Variants in MED12 observed in about 807,000 individuals in gnomAD.
MED12 encodes mediator complex subunit 12.
A neutral mutation model predicts 177.7 loss-of-function variants in MED12; 10 were observed. That is an observed-to-expected ratio of 0.06 (90% CI 0.03 to 0.10). The LOEUF is 0.10. MED12 is among the 10% of genes least tolerant of loss of function. The probability of loss-of-function intolerance (pLI) is 1.00; values close to 1 mark genes in which losing one functional copy is unlikely to be tolerated. For synonymous variants in MED12, 641 were observed against 678.4 expected (o/e 0.94, Z 0.86); for missense variants, 867 against 1,780.8 (o/e 0.49, Z 9.23).
chrX:71,118,788 C>T lies in MED12; in HGVS notation c.34C>T (p.Arg12Trp), dbSNP rs2147766631. 1 of 1,209,591 alleles carries T rather than the reference C, an allele frequency of 8.3e-7. No homozygotes were observed. The highest frequency in any genetic ancestry group is 1.1e-6 in the Non-Finnish European group (1 of 894,871). ...AAFGILSYEH[R>W]PLKRPRLGPP... The stretch of plus-strand genomic sequence containing the variant: ...CTTCGGGATCTTGAGCTACGAACAC[C>T]GGCCCCTGAAGCGGCCGCGGCTGGG... Residue 12 changes from arginine to tryptophan, a missense_variant, in exon 1 of 45, where the codon CGG (arginine) becomes TGG (tryptophan). Transcript: ENST00000374080.
In MED12 at chrX:71,120,985, A is replaced by G. The variant is rs374780236; in HGVS notation, c.568A>G (p.Ile190Val). ...VDPFMEWTQIITKYLWEQLQK... is the reference protein window; with the variant it reads ...VDPFMEWTQIVTKYLWEQLQK... ...CTTTCCTCCAGAATGGACTCAGATC[A>G]TCACCAAGTACTTATGGGAGCAGTT... Residue 190 changes from isoleucine to valine, a missense_variant, in exon 5 of 45, where the codon ATC becomes GTC. Physicochemically the swap from Ile to Val is conservative, Grantham distance 29 (BLOSUM62 3). Around this residue, in one of 14 missense-constraint regions of MED12, gnomAD observed 309 missense variants for 556.3 expected, o/e 0.56. Coordinates refer to ENST00000374080, the MANE Select transcript of MED12 (RefSeq NM_005120.3). 24 of 1,209,800 alleles carry G rather than the reference A, an allele frequency of 2.0e-5. No homozygotes were observed. Among genetic ancestry groups the G allele is most frequent in the Non-Finnish European group, 2.6e-5 (23 of 894,996 alleles).
intron 4 of MED12, among the ~76,000 whole-genome samples, chrX:71,120,437 G>C (rs2092286454): frequency 9.1e-6 from 1 of 109,939 alleles, no homozygotes; most frequent in South Asian, 3.8e-4. Context: ...ATTAAATATA[G>C]AAAGTGGTGA....
At chrX:71,125,864 A>G (rs1466120042) in intron 17 of MED12, 151 bp downstream of exon 17, 6 of 531,539 alleles carry the variant, frequency 1.1e-5, no homozygotes, top group Non-Finnish European at 1.9e-5. Context: ...TTCCTCCCCC[A>G]TCCCTTCCTT....
At chrX:71,121,220 C>G (rs1415075108) in intron 5 of MED12, 68 bp downstream of exon 5, 3 of 1,192,025 alleles carry the variant, frequency 2.5e-6, no homozygotes, top group Non-Finnish European at 3.4e-6. Flanking sequence ...CAGTAGAGAA[C>G]AGAATCTGCC....
At chrX:71,136,744 A>C in intron 37 of MED12, 89 bp downstream of exon 37, 1 of 1,177,954 alleles carries the variant, frequency 8.5e-7, no homozygotes, top group East Asian at 3.0e-5. Flanking sequence ...GGGGCGCATA[A>C]GGAAGGGGTG....
chrX:71,126,470 G>A lies in MED12; in HGVS notation c.2671G>A (p.Asp891Asn), dbSNP rs2092303551. Reference sequence around the variant, plus strand: ...TTCACTCAGCATCAGTGGCCTCATCGACTTTGCCATTCAGGTGGGGAAGTT... The same window carrying A: ...TTCACTCAGCATCAGTGGCCTCATCAACTTTGCCATTCAGGTGGGGAAGTT... ...EYSLSISGLI[D>N]FAIQLLNELS... Residue 891 changes from aspartate to asparagine, a missense_variant, in exon 19 of 45, where the codon GAC becomes AAC. Physicochemically the swap from Asp to Asn is conservative, Grantham distance 23. This residue lies in a region of MED12 where 11 missense variants were observed against 61.2 expected (regional missense o/e 0.18). Transcript: ENST00000374080. The A allele has an allele frequency of 8.3e-7, 1 of 1,210,649 alleles. No individual in the cohort carries two copies. The highest frequency in any genetic ancestry group is 1.1e-6 in the Non-Finnish European group (1 of 895,348).
rs1556334571 is a variant in MED12 at position 71,121,745 on chromosome X, A to C, written c.1030A>C (p.Thr344Pro). Reference sequence around the variant, plus strand: ...GCCCCCAACTAGCAGCACACCCTCGACTCCCTTTAGTGACCTGCTTATGTG... The same window carrying C: ...GCCCCCAACTAGCAGCACACCCTCGCCTCCCTTTAGTGACCTGCTTATGTG... The part of the protein sequence containing the change: ...PQPPTSSTPS[T>P]PFSDLLMCPQ... The change falls in exon 7 of 45, where the codon ACT becomes CCT. Residue 344 changes from threonine (T) to proline (P), a missense_variant. Physicochemically the swap from Thr to Pro is conservative, Grantham distance 38. Coordinates refer to ENST00000374080, the MANE Select transcript of MED12 (RefSeq NM_005120.3). The C allele has an allele frequency of 8.3e-7, 1 of 1,209,510 alleles. No individual in the cohort carries two copies. Among genetic ancestry groups the C allele is most frequent in the Non-Finnish European group, 1.1e-6 (1 of 894,794 alleles).
chrX:71,129,101 G>T lies in MED12; in HGVS notation c.3476-13G>T, dbSNP rs763636726. ...ACTTCATCCCTTCCAGATCTGTTTT[G>T]TCTTCCTTTTAGCTTGTAGTGAACA... On this transcript the variant is annotated splice_polypyrimidine_tract_variant and intron_variant, in intron 24 of 44. Transcript: ENST00000374080. 7 of 1,185,354 alleles carry T rather than the reference G, an allele frequency of 5.9e-6. No individual in the cohort carries two copies. Among genetic ancestry groups the T allele is most frequent in the Non-Finnish European group, 6.9e-6 (6 of 871,879 alleles).
intron 26 of MED12, 25 bp downstream of exon 26, chrX:71,129,454 G>A (rs2092311257): frequency 3.7e-6 from 4 of 1,087,139 alleles, no homozygotes; most frequent in Non-Finnish European, 5.1e-6. Context: ...AGGGAGTGGT[G>A]CCAGAAGTGT....
chrX:71,128,579 T>C lies in MED12; in HGVS notation c.3355-19T>C. ...GGCCTCCACACTGAGTCATGGTGTC[T>C]GTCTGTTTTTTCCTCCAGGTCAGTG... On this transcript the variant is annotated intron_variant, in intron 23 of 44. Transcript: ENST00000374080. The C allele has an allele frequency of 8.3e-7, 1 of 1,210,937 alleles. No homozygotes were observed. The highest frequency in any genetic ancestry group is 1.1e-6 in the Non-Finnish European group (1 of 895,413).
chrX:71,131,182 A>T (rs1440099862), intron 28 of MED12, among the ~76,000 whole-genome samples: 2 of 93,883 alleles, frequency 2.1e-5, no homozygotes, highest in African/African-American at 8.6e-5. Context: ...AGGCTGGAGT[A>T]CAGTGGTGCG....
At chrX:71,140,323 CCACCCACCT>C (rs1419810939) in intron 41 of MED12, among the ~76,000 whole-genome samples, 1 of 109,726 alleles carries the variant, frequency 9.1e-6, no homozygotes, top group Admixed American at 9.7e-5. Context: ...CTCAAGTGAT[CCACCCACCT>C]TAGCCTCCCA....
At chrX:71,129,084 C>T (rs1243000916) in intron 24 of MED12, 30 bp from the exon 25 acceptor site, 1 of 1,121,798 alleles carries the variant, frequency 8.9e-7, no homozygotes, top group Non-Finnish European at 1.2e-6. Flanking sequence ...TAACTTCATC[C>T]CTTCCAGATC....
At position 71,118,702 on chromosome X, in the gene MED12, T is replaced by TC; in HGVS notation, c.-48dup. On this transcript the variant is annotated 5_prime_UTR_variant, in exon 1 of 45. Transcript: ENST00000374080. ...TTCGGCTCCCTCTCCCCCTTCCCGTTCCCCCAGTCAGCCTGGCCCTGCTGG... is the reference window on the plus strand; with the variant it reads ...TTCGGCTCCCTCTCCCCCTTCCCGTTCCCCCCAGTCAGCCTGGCCCTGCTGG... The TC allele has an allele frequency of 2.7e-6, 3 of 1,126,540 alleles. No individual in the cohort carries two copies. Among genetic ancestry groups the TC allele is most frequent in the South Asian group, 3.8e-5 (2 of 52,562 alleles). 92.8% of individuals were successfully genotyped at this position (1,126,540 alleles called of 1,213,427 possible). A position where few individuals can be genotyped will look rare whatever the true frequency, so the allele number is the denominator to read the frequency against.
chrX:71,125,924 T>G, intron 17 of MED12, 112 bp from the exon 18 acceptor site: 1 of 450,026 alleles, frequency 2.2e-6, no homozygotes. Flanking sequence ...CCTCCCTCCT[T>G]CCATCTCTCC....
Position 71,132,233 on chromosome X carries a change from T to A in MED12, c.4253+27T>A, listed in dbSNP as rs775493823. 16 of 1,202,802 alleles carry A rather than the reference T, an allele frequency of 1.3e-5. No homozygotes were observed. The East Asian group carries it at 4.4e-4, about 33-fold the overall frequency. On this transcript the variant is annotated intron_variant, in intron 30 of 44. Coordinates refer to ENST00000374080, the MANE Select transcript of MED12 (RefSeq NM_005120.3). ...TCGGATAGAAACATGTTAGGACCCA[T>A]CCCCTTAGGAGTTTATCTGCTGGTA... is the stretch of plus-strand genomic sequence containing the variant.
intron 11 of MED12, 51 bp downstream of exon 11, chrX:71,123,277 C>T (rs1389287253): frequency 8.4e-7 from 1 of 1,192,445 alleles, no homozygotes. Flanking sequence ...AAGGAATTTA[C>T]TGCGGTTGGA....
intron 28 of MED12, 128 bp downstream of exon 28, chrX:71,130,342 G>A: frequency 5.9e-6 from 4 of 677,408 alleles, no homozygotes; most frequent in Non-Finnish European, 8.9e-6. Context: ...TAGGGGAGGG[G>A]AGAGGTAGCG....
At position 71,136,430 on chromosome X, in the gene MED12, C is replaced by T. The variant is rs1284958405; in HGVS notation, c.5175C>T (p.Leu1725=). 2 of 1,208,408 alleles carry T rather than the reference C, an allele frequency of 1.7e-6. No individual in the cohort carries two copies. The highest frequency in any genetic ancestry group is 3.5e-5 in the African/African-American group (2 of 56,802). Residue 1725 remains leucine, a synonymous_variant, in exon 37 of 45, where the codon CTC becomes CTT. Coordinates refer to ENST00000374080, the MANE Select transcript of MED12 (RefSeq NM_005120.3). ...ARGEEQQRLL[L]YHTHLRPRPR... The stretch of plus-strand genomic sequence containing the variant: ...GAGAGGAGCAGCAGCGGTTGCTGCT[C>T]TACCACACACACCTGAGGCCCCGGC...
Sources: gnomAD v4.1 joint callset for allele counts (sites outside exome capture counted in the v4.1 genomes callset) on GRCh38, gnomAD v4.1.1 for gene constraint, gnomAD v4.1.1 regional missense constraint, MANE v1.5 for transcripts, NCBI Gene and HGNC (gene_info 2026-07-23, HGNC 2026-07-21) for gene names.